CREM: variants seen among roughly 807,000 people sequenced by gnomAD.
CREM encodes cAMP-responsive element modulator.
CREM carries 13 observed loss-of-function variants against 37.3 expected under a neutral mutation model. That is an observed-to-expected ratio of 0.35 (90% CI 0.23 to 0.55). The LOEUF is 0.55. CREM is among the 20% of genes least tolerant of loss of function. The pLI, the probability that CREM is intolerant of heterozygous loss-of-function variation, is 0.88. For missense variants in CREM, 296 were observed against 362.3 expected, an observed-to-expected ratio of 0.82 and a Z score of 1.49; for synonymous variants, 124 against 120.2, an observed-to-expected ratio of 1.03 and a Z score of -0.21.
Position 35,178,999 on chromosome 10 carries a change from A to G in CREM, c.266+13A>G. 6.3e-7 allele frequency: 1 copy of G among 1,589,468 alleles called. No homozygotes were observed. Among genetic ancestry groups the G allele is most frequent in the Non-Finnish European group, 8.6e-7 (1 of 1,168,830 alleles). ...GACCCTCTTATAGGTAAGTTAACCAAGTTTCCTAATGTAAAGATACTTTTT... is the reference window on the plus strand; with the variant it reads ...GACCCTCTTATAGGTAAGTTAACCAGGTTTCCTAATGTAAAGATACTTTTT... On this transcript the variant is annotated intron_variant, in intron 4 of 7. Coordinates refer to ENST00000685392, the MANE Select transcript of CREM (RefSeq NM_183011.2).
intron 2 of CREM, among the ~76,000 whole-genome samples, chr10:35,145,747 G>T (rs2092011469): frequency 8.1e-6 from 1 of 122,724 alleles, no homozygotes; most frequent in Non-Finnish European, 1.6e-5. Flanking sequence ...CTGCACTCCA[G>T]CCTGGGTTGA....
chr10:35,188,679 A>G (rs1423392793), intron 6 of CREM, among the ~76,000 whole-genome samples: 2 of 122,872 alleles, frequency 1.6e-5, no homozygotes, highest in Admixed American at 1.8e-4. Context: ...TTTTTTTTTG[A>G]GATGGAGTCT....
chr10:35,206,422 C>T (rs1032280754), intron 6 of CREM, among the ~76,000 whole-genome samples: 4 of 152,124 alleles, frequency 2.6e-5, no homozygotes, highest in African/African-American at 9.7e-5. Context: ...TGTCTGTATG[C>T]TGTGCTGCTT....
Position 35,187,493 on chromosome 10 carries a change from C to T in CREM, c.410-707C>T, listed in dbSNP as rs375041293. ...CAGGCTGGTCTCAAACTCCTGACCT[C>T]AGGTGATCTGCCTACCTTGGCCTCC... On this transcript the variant is annotated intron_variant, in intron 5 of 7. Coordinates refer to ENST00000685392, the MANE Select transcript of CREM (RefSeq NM_183011.2). 1.4e-4 allele frequency among the ~76,000 whole-genome samples: 21 copies of T among 151,134 alleles called. No homozygotes were observed. In the East Asian group the frequency reaches 4.1e-3, roughly 30 times the overall value.
At chr10:35,132,734 C>A (rs1057197780) in intron 1 of CREM, among the ~76,000 whole-genome samples, 1 of 152,144 alleles carries the variant, frequency 6.6e-6, no homozygotes, top group African/African-American at 2.4e-5. Context: ...CTGTACTCAT[C>A]TTCCCCTAAA....
At chr10:35,139,520 G>A (rs2091136154) in intron 2 of CREM, among the ~76,000 whole-genome samples, 1 of 151,874 alleles carries the variant, frequency 6.6e-6, no homozygotes, top group African/African-American at 2.4e-5. Flanking sequence ...GGACTTGTTT[G>A]TTTTCGTTTT....
At chr10:35,149,295 G>A (rs1000764154) in intron 3 of CREM, among the ~76,000 whole-genome samples, 2 of 152,210 alleles carry the variant, frequency 1.3e-5, no homozygotes, top group Admixed American at 6.5e-5. Context: ...TAGGCAGAGC[G>A]AAGAGTGTGC....
intron 3 of CREM, among the ~76,000 whole-genome samples, chr10:35,166,103 G>C (rs1303599202): frequency 3.3e-5 from 5 of 152,236 alleles, no homozygotes; most frequent in Admixed American, 3.3e-4. Context: ...AGGATTGGAG[G>C]CAACAACAAC....
chr10:35,181,005 A>G (rs1204898408), intron 5 of CREM, among the ~76,000 whole-genome samples: 1 of 152,226 alleles, frequency 6.6e-6, no homozygotes, highest in Non-Finnish European at 1.5e-5. Flanking sequence ...AACCACTAAG[A>G]TGCTGTCATC....
At chr10:35,175,646 T>C (rs942635424) in intron 3 of CREM, 19 of 1,603,538 alleles carry the variant, frequency 1.2e-5, no homozygotes, top group African/African-American at 9.4e-5. Flanking sequence ...GGAGCATGTG[T>C]TCCTTAATAA....
intron 3 of CREM, among the ~76,000 whole-genome samples, chr10:35,174,798 G>A (rs543841491): frequency 3.0e-4 from 46 of 152,330 alleles, no homozygotes; most frequent in African/African-American, 1.0e-3. Context: ...TGAGTCCAGA[G>A]GAGTGGTTAG....
chr10:35,162,694 G>A (rs1388150206), intron 3 of CREM, among the ~76,000 whole-genome samples: 1 of 152,106 alleles, frequency 6.6e-6, no homozygotes, highest in Non-Finnish European at 1.5e-5. Context: ...CAAAGAAGGA[G>A]TCCAGAATCT....
intron 2 of CREM, among the ~76,000 whole-genome samples, chr10:35,144,310 G>A (rs909694941): frequency 1.3e-5 from 2 of 152,120 alleles, no homozygotes; most frequent in Admixed American, 6.5e-5. Flanking sequence ...GTTGCTTTTT[G>A]TGGTTGATCT....
chr10:35,195,152 T>G (rs1229739185), intron 6 of CREM: 15 of 1,611,772 alleles, frequency 9.3e-6, no homozygotes, highest in Non-Finnish European at 1.3e-5. Context: ...TGAACTGTGG[T>G]AGAGGAAACA....
chr10:35,128,200 C>T (rs1002968267), intron 1 of CREM, among the ~76,000 whole-genome samples: 6 of 152,194 alleles, frequency 3.9e-5, no homozygotes, highest in African/African-American at 1.4e-4. Flanking sequence ...TTTGAAATCA[C>T]TTAGGGGTTT....
chr10:35,175,895 G>T (rs1261023651), intron 3 of CREM: 1 of 1,556,896 alleles, frequency 6.4e-7, no homozygotes, highest in Admixed American at 1.9e-5. Context: ...CTCCCCAGCT[G>T]TAACTCTAGT....
chr10:35,201,619 A>G (rs1459460323), intron 6 of CREM: 5 of 1,229,530 alleles, frequency 4.1e-6, no homozygotes, highest in African/African-American at 3.0e-5. Flanking sequence ...TTCTTTTCCC[A>G]TGAAATATTT....
In CREM at chr10:35,159,837, C is replaced by A. The variant is rs1319719905; in HGVS notation, c.168+11346C>A. Among the ~76,000 whole-genome samples, 8 of 152,026 alleles carry A rather than the reference C, an allele frequency of 5.3e-5. No individual in the cohort carries two copies. The South Asian group carries it at 1.7e-3, about 32-fold the overall frequency. ...ATACATCTGATAAGGGGTTAATATC[C>A]GAAACACAGAAGGACTCAAACAACT... On this transcript the variant is annotated intron_variant, in intron 3 of 7. Coordinates refer to ENST00000685392, the MANE Select transcript of CREM (RefSeq NM_183011.2).
intron 2 of CREM, among the ~76,000 whole-genome samples, chr10:35,143,395 G>A (rs569415246): frequency 1.3e-5 from 2 of 152,280 alleles, no homozygotes; most frequent in East Asian, 3.9e-4. Flanking sequence ...CAAGTGTGAT[G>A]GGAGTGGTCA....
Sources: allele counts gnomAD v4.1 joint callset (sites outside exome capture counted in the v4.1 genomes callset), GRCh38; gene constraint gnomAD v4.1.1; transcripts MANE v1.5; gene names NCBI Gene and HGNC (gene_info 2026-07-23, HGNC 2026-07-21).